Variants in FAM13B observed in about 807,000 individuals in gnomAD.
FAM13B encodes family with sequence similarity 13 member B.
In FAM13B, 60 loss-of-function variants were observed where a neutral mutation model predicts 117.3. The ratio of observed to expected loss-of-function variants is 0.51; its 90% confidence interval spans 0.42 to 0.63. The LOEUF (loss-of-function observed/expected upper bound fraction) is 0.63. FAM13B is among the 30% of genes least tolerant of loss of function. FAM13B has a pLI of 0.00. For synonymous variants in FAM13B, 332 were observed against 356.1 expected (o/e 0.93, Z 0.76); for missense variants, 972 against 1,091.9 (o/e 0.89, Z 1.55).
intron 18 of FAM13B, among the ~76,000 whole-genome samples, chr5:137,946,673 G>A (rs963519129): frequency 5.3e-5 from 8 of 152,190 alleles, no homozygotes; most frequent in Non-Finnish European, 8.8e-5. Context: ...GACTATTTAT[G>A]AGTTCTATGT....
chr5:137,977,202 G>A (rs1040424950), intron 10 of FAM13B, among the ~76,000 whole-genome samples: 3 of 152,026 alleles, frequency 2.0e-5, no homozygotes, highest in Non-Finnish European at 2.9e-5. Context: ...GGAAATTCCC[G>A]CCTAATAAAT....
chr5:137,989,896 G>GAA (rs148450551), intron 7 of FAM13B, among the ~76,000 whole-genome samples: 1 of 151,914 alleles, frequency 6.6e-6, no homozygotes, highest in African/African-American at 2.4e-5. Flanking sequence ...AAGCTGGGGG[G>GAA]AAAAAACCCC....
intron 1 of FAM13B, among the ~76,000 whole-genome samples, chr5:138,041,020 C>T (rs900398210): frequency 1.3e-5 from 2 of 148,474 alleles, no homozygotes; most frequent in Non-Finnish European, 3.0e-5. Flanking sequence ...GCTGAGATTG[C>T]GCCACTGCAC....
chr5:137,982,088 A>C (rs925050454), intron 10 of FAM13B, among the ~76,000 whole-genome samples: 11 of 152,222 alleles, frequency 7.2e-5, no homozygotes, highest in African/African-American at 2.7e-4. Context: ...TTTTAGGAAG[A>C]GAAGTGGCAT....
intron 10 of FAM13B, among the ~76,000 whole-genome samples, chr5:137,982,065 A>C (rs1454822030): frequency 6.6e-6 from 1 of 152,210 alleles, no homozygotes; most frequent in Non-Finnish European, 1.5e-5. Flanking sequence ...GATAGCTAGA[A>C]GGCACTGGAA....
chr5:137,947,918 AAG>A lies in FAM13B; in HGVS notation c.2160+1035_2160+1036del, dbSNP rs1453591570. 2.0e-5 allele frequency among the ~76,000 whole-genome samples: 3 copies of A among 152,214 alleles called. No individual in the cohort carries two copies. In the East Asian group the frequency reaches 5.8e-4, roughly 29 times the overall value. On this transcript the variant is annotated intron_variant, in intron 18 of 23. Coordinates refer to ENST00000689681, the MANE Select transcript of FAM13B (RefSeq NM_001385994.1). ...TTTTTTTTTAAGCAAAAGAAAAGTT[AAG>A]AGGGGAAGAGATGAGAATGACTAAT... is the stretch of plus-strand genomic sequence containing the variant.
In FAM13B at chr5:138,025,965, T is replaced by G. The variant is rs1788241560; in HGVS notation, c.-202-4768A>C. 2.6e-5 allele frequency among the ~76,000 whole-genome samples: 4 copies of G among 152,210 alleles called. No individual in the cohort carries two copies. In the South Asian group the frequency reaches 8.3e-4, roughly 31 times the overall value. ...GTACCTTTCTTAATAGCACAGAATC[T>G]TTACACTTTAACTATCTACTAAAAT... On this transcript the variant is annotated intron_variant, in intron 1 of 23. Transcript: ENST00000689681.
Position 138,029,127 on chromosome 5 carries a change from G to A in FAM13B, c.-203+3655C>T, listed in dbSNP as rs184131604. 3.9e-5 allele frequency among the ~76,000 whole-genome samples: 6 copies of A among 152,276 alleles called. No individual in the cohort carries two copies. In the East Asian group the frequency reaches 1.2e-3, roughly 29 times the overall value. ...GCTACCATTTCCAGTGTACTTTCCA[G>A]TTCACTCTCCAACTGAATCCTCCAA... On this transcript the variant is annotated intron_variant, in intron 1 of 23. Coordinates refer to ENST00000689681, the MANE Select transcript of FAM13B (RefSeq NM_001385994.1).
At chr5:137,948,208 A>G (rs543549369) in intron 18 of FAM13B, among the ~76,000 whole-genome samples, 22 of 152,022 alleles carry the variant, frequency 1.4e-4, no homozygotes, top group Non-Finnish European at 2.5e-4. Flanking sequence ...TTTAATCCTC[A>G]TAACAACCAT....
intron 7 of FAM13B, among the ~76,000 whole-genome samples, chr5:137,995,884 G>A (rs936790143): frequency 2.0e-5 from 3 of 152,212 alleles, no homozygotes; most frequent in Non-Finnish European, 2.9e-5. Flanking sequence ...ATGACCCAGA[G>A]CATAAATTCT....
At chr5:138,007,256 C>T in intron 6 of FAM13B, 109 bp from the exon 7 acceptor site, 1 of 871,492 alleles carries the variant, frequency 1.1e-6, no homozygotes, top group South Asian at 2.1e-5. Flanking sequence ...TTTTTATTTC[C>T]TCATTTCCTA....
At chr5:138,005,717 G>A (rs1349723670) in intron 7 of FAM13B, among the ~76,000 whole-genome samples, 1 of 152,020 alleles carries the variant, frequency 6.6e-6, no homozygotes, top group Non-Finnish European at 1.5e-5. Flanking sequence ...TTATGATCCT[G>A]TTTGAAGAAA....
intron 10 of FAM13B, among the ~76,000 whole-genome samples, chr5:137,981,524 G>A (rs969239659): frequency 3.3e-5 from 5 of 152,108 alleles, no homozygotes; most frequent in South Asian, 4.1e-4. Context: ...AGTGGCTCAC[G>A]CCTGTAATCC....
chr5:137,999,478 A>C (rs1057266948), intron 7 of FAM13B, among the ~76,000 whole-genome samples: 2 of 152,038 alleles, frequency 1.3e-5, no homozygotes, highest in Non-Finnish European at 2.9e-5. Context: ...CAGGAGGCTG[A>C]GGCAGAAGAA....
chr5:137,969,330 G>A (rs1468892669), intron 10 of FAM13B, among the ~76,000 whole-genome samples: 1 of 152,192 alleles, frequency 6.6e-6, no homozygotes, highest in African/African-American at 2.4e-5. Flanking sequence ...CTAACTGGGA[G>A]GCACCCCCAG....
chr5:137,970,281 G>C (rs147725402), intron 10 of FAM13B, among the ~76,000 whole-genome samples: 28,013 of 150,562 alleles, frequency 0.19, 2,761 homozygotes, highest in African/African-American at 0.24. Context: ...ACTCTACAAG[G>C]CAGAAGAGAG....
intron 4 of FAM13B, among the ~76,000 whole-genome samples, chr5:138,014,432 T>C (rs1784791833): frequency 6.6e-6 from 1 of 152,202 alleles, no homozygotes; most frequent in Non-Finnish European, 1.5e-5. Context: ...GAACTATGCA[T>C]GCAAGGGATC....
intron 13 of FAM13B, among the ~76,000 whole-genome samples, chr5:137,957,399 G>A (rs1225715608): frequency 1.3e-5 from 2 of 151,986 alleles, no homozygotes; most frequent in Non-Finnish European, 2.9e-5. Flanking sequence ...AATTAGCCGG[G>A]TGTAGTGGCA....
At chr5:138,022,211 C>T (rs1347863179) in intron 1 of FAM13B, among the ~76,000 whole-genome samples, 1 of 152,118 alleles carries the variant, frequency 6.6e-6, no homozygotes, top group Non-Finnish European at 1.5e-5. Context: ...AACCAGTCTC[C>T]TCTCTCTTCT....
Sources: allele counts gnomAD v4.1 joint callset (sites outside exome capture counted in the v4.1 genomes callset), GRCh38; gene constraint gnomAD v4.1.1; transcripts MANE v1.5; gene names NCBI Gene and HGNC (gene_info 2026-07-23, HGNC 2026-07-21).